Variants in GABBR2 observed in about 807,000 individuals in gnomAD.
GABBR2 encodes the protein G-protein coupled receptor 51.
A neutral mutation model predicts 105.6 loss-of-function variants in GABBR2; 23 were observed. The observed-to-expected ratio is 0.22, with a 90% CI of 0.16 to 0.31. GABBR2 has a LOEUF of 0.31. GABBR2 is among the 10% of genes least tolerant of loss of function. GABBR2 has a pLI of 1.00. For missense variants in GABBR2, 734 were observed against 1,245.5 expected (o/e 0.59, Z 6.18); for synonymous variants, 478 against 499.7 (o/e 0.96, Z 0.58).
rs113084051 is a variant in GABBR2 at position 98,564,682 on chromosome 9, G to T, written c.459+13253C>A. 4.0e-3 allele frequency among the ~76,000 whole-genome samples: 603 copies of T among 152,324 alleles called. 4 individuals carry two copies. Among genetic ancestry groups the T allele is most frequent in the African/African-American group, 0.014 (580 of 41,572 alleles). On this transcript the variant is annotated intron_variant, in intron 2 of 18. Transcript: ENST00000259455. ...AATTAGTTTTTTAACAGGCCCTACA[G>T]GTGTGTCCAGTCACAATTCCTGAGC...
intron 1 of GABBR2, among the ~76,000 whole-genome samples, chr9:98,634,038 A>G (rs1263656068): frequency 6.6e-6 from 1 of 152,184 alleles, no homozygotes; most frequent in Non-Finnish European, 1.5e-5. Flanking sequence ...CACGGGGCTG[A>G]GTGGCCTAGA....
intron 7 of GABBR2, among the ~76,000 whole-genome samples, chr9:98,430,745 C>G (rs1339192277): frequency 6.6e-6 from 1 of 152,060 alleles, no homozygotes; most frequent in African/African-American, 2.4e-5. Flanking sequence ...GAATTCTCAT[C>G]TCTGTCTCTG....
chr9:98,533,920 C>T (rs1828119375), intron 3 of GABBR2, among the ~76,000 whole-genome samples: 1 of 151,950 alleles, frequency 6.6e-6, no homozygotes, highest in Admixed American at 6.5e-5. Flanking sequence ...TGCTAAGGAG[C>T]TTGTTCCTGC....
intron 11 of GABBR2, among the ~76,000 whole-genome samples, chr9:98,378,340 C>T (rs577657088): frequency 2.6e-5 from 4 of 152,196 alleles, no homozygotes; most frequent in South Asian, 2.1e-4. Context: ...AGGGGTGCTT[C>T]GGGACTCGAA....
In GABBR2 at chr9:98,396,880, C is replaced by A. The variant is rs1346159986; in HGVS notation, c.1298-2625G>T. ...ACTGAAATAATACTCAGCTTCCCAC[C>A]GACCGTAATCACCATAATCTCTCCC... is the stretch of plus-strand genomic sequence containing the variant. On this transcript the variant is annotated intron_variant, in intron 8 of 18. Coordinates refer to ENST00000259455, the MANE Select transcript of GABBR2 (RefSeq NM_005458.8). Among the ~76,000 whole-genome samples the A allele has an allele frequency of 2.0e-5, 3 of 152,152 alleles. 1 individual carries two copies. In the South Asian group the frequency reaches 6.2e-4, roughly 32 times the overall value.
intron 2 of GABBR2, among the ~76,000 whole-genome samples, chr9:98,562,211 A>G (rs951873743): frequency 3.9e-5 from 6 of 152,204 alleles, no homozygotes; most frequent in Non-Finnish European, 8.8e-5. Flanking sequence ...GCCAAAACTC[A>G]TGAATCTAAT....
At position 98,642,666 on chromosome 9, in the gene GABBR2, C is replaced by T. The variant is rs562882408; in HGVS notation, c.322-64594G>A. ...TCATATTATTTTAGCACATCTTGAG[C>T]AGGAATTTTTAATGGAACAGAATAG... is the stretch of plus-strand genomic sequence containing the variant. On this transcript the variant is annotated intron_variant, in intron 1 of 18. Coordinates refer to ENST00000259455, the MANE Select transcript of GABBR2 (RefSeq NM_005458.8). Among the ~76,000 whole-genome samples the T allele has an allele frequency of 1.6e-3, 247 of 152,258 alleles. 1 individual carries two copies. Among genetic ancestry groups the T allele is most frequent in the African/African-American group, 5.7e-3 (238 of 41,562 alleles).
intron 7 of GABBR2, among the ~76,000 whole-genome samples, chr9:98,439,680 C>T (rs1351792259): frequency 6.6e-6 from 1 of 152,146 alleles, no homozygotes; most frequent in Non-Finnish European, 1.5e-5. Flanking sequence ...ATGTGAATTA[C>T]CAAAGATGGC....
intron 3 of GABBR2, among the ~76,000 whole-genome samples, chr9:98,506,879 T>C (rs1207927666): frequency 6.6e-6 from 1 of 152,184 alleles, no homozygotes; most frequent in Non-Finnish European, 1.5e-5. Context: ...CAACCCACAA[T>C]GCCAGCTGTC....
At chr9:98,507,250 T>C (rs1018430519) in intron 3 of GABBR2, among the ~76,000 whole-genome samples, 56 of 152,140 alleles carry the variant, frequency 3.7e-4, no homozygotes, top group African/African-American at 1.4e-3. Flanking sequence ...CAGGATGAAG[T>C]TAAGGATGTC....
rs187791781 is a variant in GABBR2 at position 98,396,203 on chromosome 9, G to A, written c.1298-1948C>T. The stretch of plus-strand genomic sequence containing the variant: ...CTCGTGAATGTGGGAAGCACAAAGA[G>A]GAGGATTGTCCACCCATCCCCAGAT... On this transcript the variant is annotated intron_variant, in intron 8 of 18. Transcript: ENST00000259455. 1.3e-3 allele frequency among the ~76,000 whole-genome samples: 198 copies of A among 152,330 alleles called. 5 individuals carry two copies. The highest frequency in any genetic ancestry group is 0.011 in the Admixed American group (171 of 15,308).
chr9:98,550,157 T>C (rs1173653981), intron 2 of GABBR2, among the ~76,000 whole-genome samples: 1 of 152,192 alleles, frequency 6.6e-6, no homozygotes, highest in Non-Finnish European at 1.5e-5. Context: ...ATGCCAAGTC[T>C]TCCCAGTTAT....
intron 13 of GABBR2, among the ~76,000 whole-genome samples, chr9:98,350,084 AGTT>A (rs1480464504): frequency 1.3e-5 from 2 of 151,198 alleles, no homozygotes; most frequent in East Asian, 3.9e-4. Context: ...CTGTGGCATC[AGTT>A]GTTATGTCTC....
At chr9:98,660,982 T>A (rs1262580583) in intron 1 of GABBR2, among the ~76,000 whole-genome samples, 3 of 152,218 alleles carry the variant, frequency 2.0e-5, no homozygotes, top group Non-Finnish European at 4.4e-5. Context: ...CTCAGCTCAC[T>A]GCAACCTCCT....
At chr9:98,301,245 G>T (rs1489280965) in intron 16 of GABBR2, among the ~76,000 whole-genome samples, 2 of 152,212 alleles carry the variant, frequency 1.3e-5, no homozygotes, top group African/African-American at 4.8e-5. Context: ...GGGTCAGGGG[G>T]AGCCTTGGGG....
chr9:98,535,129 C>T (rs1215246247), intron 3 of GABBR2, among the ~76,000 whole-genome samples: 2 of 152,134 alleles, frequency 1.3e-5, no homozygotes, highest in Non-Finnish European at 2.9e-5. Context: ...AACAGAGTCT[C>T]ACTCTGTTGC....
intron 13 of GABBR2, among the ~76,000 whole-genome samples, chr9:98,337,911 A>G (rs1226679455): frequency 6.6e-6 from 1 of 152,060 alleles, no homozygotes; most frequent in Non-Finnish European, 1.5e-5. Flanking sequence ...AATCCCAGTT[A>G]CTCGGGAGGC....
At chr9:98,676,168 A>T (rs1260835675) in intron 1 of GABBR2, among the ~76,000 whole-genome samples, 2 of 152,234 alleles carry the variant, frequency 1.3e-5, no homozygotes, top group African/African-American at 4.8e-5. Flanking sequence ...ATAGCAAGAG[A>T]TGTGACAACA....
intron 1 of GABBR2, among the ~76,000 whole-genome samples, chr9:98,603,334 T>C (rs1348951218): frequency 6.6e-6 from 1 of 152,200 alleles, no homozygotes; most frequent in Non-Finnish European, 1.5e-5. Flanking sequence ...GTCTGGAACT[T>C]TTCCACTGTG....
Sources: gnomAD v4.1 joint callset for allele counts (sites outside exome capture counted in the v4.1 genomes callset) on GRCh38, gnomAD v4.1.1 for gene constraint, MANE v1.5 for transcripts, NCBI Gene and HGNC (gene_info 2026-07-23, HGNC 2026-07-21) for gene names.